RIF1: variants seen among roughly 807,000 people sequenced by gnomAD.
RIF1 encodes replication timing regulatory factor 1.
A neutral mutation model predicts 247.1 loss-of-function variants in RIF1; 45 were observed. The observed-to-expected ratio is 0.18, with a 90% CI of 0.14 to 0.23. RIF1 has a LOEUF of 0.23. RIF1 is among the 10% of genes least tolerant of loss of function. RIF1 has a pLI of 1.00. For synonymous variants in RIF1, 1,087 were observed against 978.8 expected (o/e 1.11, Z -2.06); for missense variants, 2,967 against 2,862.5 (o/e 1.04, Z -0.83).
rs1160820934 is a variant in RIF1, at chr2:151,502,421, A to C, written c.*710-613A>C. ...AAAAACTTAAAAGCTGCAAACATAA[A>C]GAATACATTAAACAGCCACAATAAA... On this transcript the variant is annotated intron_variant and NMD_transcript_variant, in intron 11 of 13. Coordinates refer to the RIF1 transcript ENST00000454583. 3.3e-5 allele frequency among the ~76,000 whole-genome samples: 5 copies of C among 152,104 alleles called. No individual in the cohort carries two copies. In the East Asian group the frequency reaches 9.6e-4, roughly 29 times the overall value.
intron 16 of RIF1, among the ~76,000 whole-genome samples, chr2:151,442,371 C>T (rs1177974732): frequency 6.8e-6 from 1 of 146,218 alleles, no homozygotes; most frequent in South Asian, 2.1e-4. Context: ...CTGTGCCCAG[C>T]ATATTTCCCT....
intron 9 of RIF1, chr2:151,494,290 A>AAAAG: frequency 7.2e-7 from 1 of 1,398,368 alleles, no homozygotes; most frequent in Non-Finnish European, 9.9e-7. Context: ...GCCAAAAAGA[A>AAAAG]AAAGAGTTAA....
At chr2:151,428,237 G>A (rs1360998027) in intron 8 of RIF1, among the ~76,000 whole-genome samples, 1 of 152,006 alleles carries the variant, frequency 6.6e-6, no homozygotes, top group Middle Eastern at 3.2e-3. Flanking sequence ...TCAAAAAAAA[G>A]AAAAGTTATT....
chr2:151,508,048 G>A (rs2070749587), downstream of RIF1: 2 of 1,611,144 alleles, frequency 1.2e-6, no homozygotes, highest in South Asian at 1.1e-5. Flanking sequence ...CTGTATCTCT[G>A]GGGTGTCCAA....
intron 6 of RIF1, 90 bp downstream of exon 6, chr2:151,416,991 C>A: frequency 3.4e-4 from 278 of 814,392 alleles, no homozygotes; most frequent in Non-Finnish European, 4.2e-4. Flanking sequence ...GAGAGACAGA[C>A]ATTAAAAGGG....
chr2:151,459,966 A>G (rs762836321), intron 25 of RIF1, 34 bp from the exon 26 acceptor site: 1 of 1,477,490 alleles, frequency 6.8e-7, no homozygotes, highest in Non-Finnish European at 9.1e-7. Context: ...TTACCGTTCT[A>G]TTTAATGAAA....
rs1318313684 is a variant in RIF1 at position 151,468,564 on chromosome 2, T to C, written c.6825+13T>C. On this transcript the variant is annotated intron_variant, in intron 32 of 35. Transcript: ENST00000444746. Reference sequence around the variant, plus strand: ...AAAGAAGTGTTTAGTAAGAAGTGCTTTAGTTTTCATGTCACTTTATATTTT... The same window carrying C: ...AAAGAAGTGTTTAGTAAGAAGTGCTCTAGTTTTCATGTCACTTTATATTTT... The C allele has an allele frequency of 4.4e-6, 7 of 1,607,544 alleles. No homozygotes were observed. In the Admixed American group the frequency reaches 8.3e-5, roughly 19 times the overall value.
the RIF1 span, among the ~76,000 whole-genome samples, chr2:151,531,308 C>CTTTTTTTTTTTTT: frequency 2.4e-5 from 2 of 84,010 alleles, no homozygotes; most frequent in Non-Finnish European, 4.4e-5. Context: ...TTTTTTCTTT[C>CTTTTTTTTTTTTT]TTTTTTTTTT....
At chr2:151,503,571 A>AG (rs1386461142) in intron 12 of RIF1, 4 of 588,284 alleles carry the variant, frequency 6.8e-6, no homozygotes, top group Non-Finnish European at 1.2e-5. Flanking sequence ...TTCAAGGAAC[A>AG]GGGGGGAAAA....
intron 10 of RIF1, among the ~76,000 whole-genome samples, chr2:151,433,714 CAAA>C (rs1407361675): frequency 3.3e-5 from 5 of 152,070 alleles, no homozygotes; most frequent in Non-Finnish European, 7.4e-5. Context: ...GCCAGCCTCC[CAAA>C]ATGCTGGGAT....
intron 7 of RIF1, among the ~76,000 whole-genome samples, chr2:151,420,733 T>C (rs1275340154): frequency 1.7e-5 from 1 of 59,958 alleles, no homozygotes; most frequent in African/African-American, 6.6e-5. Flanking sequence ...AGACCCTGTC[T>C]CAAAAAAAAA....
the RIF1 span, among the ~76,000 whole-genome samples, chr2:151,520,434 ATAAGT>A: frequency 1.3e-5 from 2 of 152,178 alleles, no homozygotes; most frequent in Non-Finnish European, 2.9e-5. Flanking sequence ...ATACATAAAA[ATAAGT>A]TTAGGTAGGC....
At chr2:151,524,072 A>G in the RIF1 span, among the ~76,000 whole-genome samples, 1 of 152,216 alleles carries the variant, frequency 6.6e-6, no homozygotes, top group African/African-American at 2.4e-5. Flanking sequence ...AAGATAGTTA[A>G]GCACACAGAC....
rs2049038952 is a variant in RIF1 at position 151,478,528 on chromosome 2, T to A, written c.*3457T>A. On this transcript the variant is annotated 3_prime_UTR_variant, in exon 36 of 36. Transcript: ENST00000444746. ...CATTGCCCATGGATTTTTTTTTTTC[T>A]GTACAGCTTGAAGATAAGATAGTTA... The A allele has an allele frequency of 6.6e-6, 1 of 151,906 alleles. No individual in the cohort carries two copies. Among genetic ancestry groups the A allele is most frequent in the South Asian group, 2.1e-4 (1 of 4,820 alleles). 9.4% of individuals were successfully genotyped at this position (151,906 alleles called of 1,614,324 possible).
chr2:151,413,350 A>G (rs911545293), intron 3 of RIF1, among the ~76,000 whole-genome samples: 2 of 152,194 alleles, frequency 1.3e-5, no homozygotes, highest in African/African-American at 2.4e-5. Context: ...GTCAAGTTGC[A>G]TTGTTCGTAA....
chr2:151,449,263 A>T (rs1254721286), intron 20 of RIF1, among the ~76,000 whole-genome samples: 1 of 152,030 alleles, frequency 6.6e-6, no homozygotes. Flanking sequence ...TTATCATAGG[A>T]TTAATGTTTT....
intron 3 of RIF1, among the ~76,000 whole-genome samples, chr2:151,411,565 C>T (rs1432258666): frequency 6.6e-6 from 1 of 151,970 alleles, no homozygotes; most frequent in African/African-American, 2.4e-5. Flanking sequence ...ACCGCCCCGG[C>T]TAATTTTGTA....
At chr2:151,419,408 C>G (rs1006344869) in intron 6 of RIF1, among the ~76,000 whole-genome samples, 3 of 151,974 alleles carry the variant, frequency 2.0e-5, no homozygotes, top group African/African-American at 7.3e-5. Context: ...TCACTGCAAC[C>G]TCCGCCTCCC....
chr2:151,445,442 A>G lies in RIF1; in HGVS notation c.2091A>G (p.Pro697=), dbSNP rs746639773. The G allele has an allele frequency of 4.8e-6, 7 of 1,457,938 alleles. No individual in the cohort carries two copies. The South Asian group carries it at 5.7e-5, about 12-fold the overall frequency. The allele number at this position is 1,457,938 out of a possible 1,614,324, so 90.3% of individuals were successfully genotyped here. ...ACATTTTTTCAGAACAGAGATTTCC[A>G]GTGGTAAGGCATTGTCAAGTATTGA... ...VNHIFSEQRF[P]VATMKTLLRT... The change falls in exon 19 of 36, where the codon CCA becomes CCG. Residue 697 remains proline (P), a synonymous_variant. Coordinates refer to ENST00000444746, the MANE Select transcript of RIF1 (RefSeq NM_018151.5).
Sources: gnomAD v4.1 joint callset for allele counts (sites outside exome capture counted in the v4.1 genomes callset) on GRCh38, gnomAD v4.1.1 for gene constraint, MANE v1.5 for transcripts, NCBI Gene and HGNC (gene_info 2026-07-23, HGNC 2026-07-21) for gene names.